Variants in NOL4 observed in about 807,000 individuals in gnomAD.
NOL4 encodes the protein nucleolar protein 4.
Under a neutral mutation model 75.9 loss-of-function variants are expected in NOL4, and 17 were observed. The observed-to-expected ratio is 0.22, with a 90% CI of 0.15 to 0.34. The LOEUF is 0.34. NOL4 is among the 10% of genes least tolerant of loss of function. The pLI, the probability that NOL4 is intolerant of heterozygous loss-of-function variation, is 1.00. For missense variants in NOL4, 614 were observed against 793.5 expected (o/e 0.77, Z 2.72); for synonymous variants, 292 against 289.9 (o/e 1.01, Z -0.07).
chr18:34,121,891 T>G (rs144206153), intron 2 of NOL4, among the ~76,000 whole-genome samples: 2 of 152,254 alleles, frequency 1.3e-5, no homozygotes, highest in East Asian at 3.9e-4. Flanking sequence ...TTATGGGATA[T>G]CAAAAGGCCT....
At chr18:33,982,161 G>A (rs1452640157) in intron 6 of NOL4, among the ~76,000 whole-genome samples, 1 of 151,960 alleles carries the variant, frequency 6.6e-6, no homozygotes, top group Middle Eastern at 3.2e-3. Context: ...AAGAACAAAG[G>A]CAATGAATAG....
chr18:33,882,343 T>A (rs1410205369), intron 10 of NOL4, among the ~76,000 whole-genome samples: 2 of 151,790 alleles, frequency 1.3e-5, no homozygotes, highest in East Asian at 3.9e-4. Flanking sequence ...TACAATGAAC[T>A]CAAACAAATT....
rs1477679789 is a variant in NOL4, at chr18:33,852,069, T to C, written c.*773A>G. On this transcript the variant is annotated 3_prime_UTR_variant, in exon 11 of 11. Transcript: ENST00000261592. ...AATTCTGGGATGAAAACTGCTATGA[T>C]AAAGTTGCAGTGTTGAGTGGGGTTT... 7 of 152,402 alleles carry C rather than the reference T, an allele frequency of 4.6e-5. No homozygotes were observed. The highest frequency in any genetic ancestry group is 1.0e-4 in the Non-Finnish European group (7 of 67,998). 9.4% of individuals were successfully genotyped at this position (152,402 alleles called of 1,614,324 possible).
At chr18:33,991,666 T>C (rs1355788130) in intron 6 of NOL4, among the ~76,000 whole-genome samples, 1 of 151,994 alleles carries the variant, frequency 6.6e-6, no homozygotes, top group Non-Finnish European at 1.5e-5. Flanking sequence ...GTGGCTCCCA[T>C]ATAATAGCAG....
At chr18:34,194,469 C>T (rs189020388) in intron 1 of NOL4, among the ~76,000 whole-genome samples, 72 of 111,618 alleles carry the variant, frequency 6.5e-4, no homozygotes, top group African/African-American at 2.3e-3. Context: ...GGCAGGCAGG[C>T]AGGCAGGCAG....
chr18:34,137,245 A>G (rs562790493), intron 1 of NOL4, among the ~76,000 whole-genome samples: 2 of 152,172 alleles, frequency 1.3e-5, no homozygotes, highest in African/African-American at 4.8e-5. Context: ...CAAAGTCCTC[A>G]TAACTGTCAA....
intron 5 of NOL4, among the ~76,000 whole-genome samples, chr18:34,035,605 C>T (rs2075853305): frequency 6.7e-6 from 1 of 150,044 alleles, no homozygotes; most frequent in Non-Finnish European, 1.5e-5. Context: ...AAACTAAGCC[C>T]AAAAACAGCA....
chr18:34,171,070 T>G (rs1211273625), intron 1 of NOL4, among the ~76,000 whole-genome samples: 1 of 152,206 alleles, frequency 6.6e-6, no homozygotes, highest in Non-Finnish European at 1.5e-5. Context: ...AATAAATGGT[T>G]AGTTAGCCTC....
chr18:34,034,733 C>G (rs1442837582), intron 5 of NOL4, among the ~76,000 whole-genome samples: 2 of 151,832 alleles, frequency 1.3e-5, no homozygotes, highest in Non-Finnish European at 2.9e-5. Flanking sequence ...GAGTAAGACC[C>G]TGCCCCACCC....
chr18:33,901,194 A>G (rs911324928), intron 9 of NOL4, among the ~76,000 whole-genome samples: 2 of 152,162 alleles, frequency 1.3e-5, no homozygotes, highest in African/African-American at 2.4e-5. Context: ...AGATCATAAG[A>G]CTATAAACCC....
chr18:34,008,102 G>A (rs2074143958), intron 6 of NOL4, among the ~76,000 whole-genome samples: 1 of 151,962 alleles, frequency 6.6e-6, no homozygotes, highest in South Asian at 2.1e-4. Context: ...AAAAGAAAGA[G>A]GTGGAGAAAG....
intron 1 of NOL4, among the ~76,000 whole-genome samples, chr18:34,134,681 A>G (rs951785617): frequency 1.3e-5 from 2 of 152,196 alleles, no homozygotes; most frequent in Non-Finnish European, 2.9e-5. Flanking sequence ...TCTACAAAAC[A>G]GTAACACATT....
chr18:34,142,874 A>G lies in NOL4; in HGVS notation c.265-12854T>C, dbSNP rs540558789. Among the ~76,000 whole-genome samples the G allele has an allele frequency of 4.6e-5, 7 of 152,312 alleles. No homozygotes were observed. The East Asian group carries it at 1.3e-3, about 29-fold the overall frequency. ...ATATGCAATACAGTCGGCCCTTGGT[A>G]TCTATGAATTCCACATCCACAGATT... On this transcript the variant is annotated intron_variant, in intron 1 of 10. Coordinates refer to ENST00000261592, the MANE Select transcript of NOL4 (RefSeq NM_003787.5).
chr18:33,943,374 A>G (rs2068625663), intron 8 of NOL4, among the ~76,000 whole-genome samples, 196 bp from the exon 9 acceptor site: 1 of 151,920 alleles, frequency 6.6e-6, no homozygotes, highest in Admixed American at 6.6e-5. Flanking sequence ...GGTTAAAGCT[A>G]TCGTTGCTAC....
chr18:34,213,580 G>T (rs984395094), intron 1 of NOL4, among the ~76,000 whole-genome samples: 1 of 152,138 alleles, frequency 6.6e-6, no homozygotes, highest in Non-Finnish European at 1.5e-5. Flanking sequence ...GAGCCACTGC[G>T]CATGGCCTCT....
intron 2 of NOL4, among the ~76,000 whole-genome samples, chr18:34,123,664 T>C (rs2080256853): frequency 6.8e-6 from 1 of 148,100 alleles, no homozygotes; most frequent in Non-Finnish European, 1.5e-5. Context: ...TATGTATATA[T>C]AGATATGTAT....
intron 1 of NOL4, among the ~76,000 whole-genome samples, chr18:34,212,879 C>T (rs2036605493): frequency 6.6e-6 from 1 of 152,174 alleles, no homozygotes; most frequent in Non-Finnish European, 1.5e-5. Flanking sequence ...ACCCTGACTT[C>T]CCCTTCTTGG....
Position 33,892,629 on chromosome 18 carries a change from T to C in NOL4, c.1543-9205A>G, listed in dbSNP as rs1008141351. On this transcript the variant is annotated intron_variant, in intron 9 of 10. Coordinates refer to ENST00000261592, the MANE Select transcript of NOL4 (RefSeq NM_003787.5). ...TTTATTCACCATGAAGTAATTTTCT[T>C]TTCTTCTTCTTCTCCTTCTCCTTCT... Among the ~76,000 whole-genome samples, 3 of 99,456 alleles carry C rather than the reference T, an allele frequency of 3.0e-5. No homozygotes were observed. In the East Asian group the frequency reaches 1.1e-3, roughly 37 times the overall value. 65.2% of individuals were successfully genotyped at this position (99,456 alleles called of 152,430 possible).
chr18:33,993,427 A>G lies in NOL4; in HGVS notation c.1056+25891T>C, dbSNP rs1600180158. Among the ~76,000 whole-genome samples, 3 of 152,066 alleles carry G rather than the reference A, an allele frequency of 2.0e-5. 1 individual carries two copies. Among genetic ancestry groups the G allele is most frequent in the East Asian group, 3.9e-4 (2 of 5,156 alleles). On this transcript the variant is annotated intron_variant, in intron 6 of 10. Coordinates refer to ENST00000261592, the MANE Select transcript of NOL4 (RefSeq NM_003787.5). ...GAAAGGGAAAAATAGACTTCACTGA[A>G]ATAATCAAGAAAGTCACTAACCAAA...
Sources: gnomAD v4.1 joint callset for allele counts (sites outside exome capture counted in the v4.1 genomes callset) on GRCh38, gnomAD v4.1.1 for gene constraint, MANE v1.5 for transcripts, NCBI Gene and HGNC (gene_info 2026-07-23, HGNC 2026-07-21) for gene names.